The following MSI2 variants were observed in gnomAD, a reference collection of about 807,000 sequenced individuals.
MSI2 encodes the protein musashi RNA binding protein 2, also known as RNA-binding protein Musashi homolog 2.
Under a neutral mutation model 45.6 loss-of-function variants are expected in MSI2, and 17 were observed. The observed-to-expected ratio is 0.37, with a 90% CI of 0.26 to 0.56. The LOEUF (loss-of-function observed/expected upper bound fraction) is 0.56. Ranked by LOEUF, MSI2 falls within the 20% of genes least tolerant of loss-of-function variation. MSI2 has a pLI of 0.77. For missense variants in MSI2, 293 were observed against 444.2 expected (o/e 0.66, Z 3.06); for synonymous variants, 156 against 158.2 (o/e 0.99, Z 0.11).
rs868162018 is a variant in MSI2, at chr17:57,652,084, C to G, written c.728-15C>G. ...GGATTCCTCCATGACTCAGGCTCCT[C>G]TCTCTCCTGACCAGGCTTCCCAGCA... is the stretch of plus-strand genomic sequence containing the variant. On this transcript the variant is annotated splice_polypyrimidine_tract_variant and intron_variant, in intron 10 of 13. Coordinates refer to ENST00000284073, the MANE Select transcript of MSI2 (RefSeq NM_138962.4). The surrounding 1 kb of genome is among the most constrained non-coding windows in gnomAD (Gnocchi z 4.1). 11 of 1,613,816 alleles carry G rather than the reference C, an allele frequency of 6.8e-6. 1 individual carries two copies. In the Middle Eastern group the frequency reaches 1.8e-3, roughly 266 times the overall value.
chr17:57,578,929 G>C (rs2144355553), intron 7 of MSI2, among the ~76,000 whole-genome samples: 1 of 152,244 alleles, frequency 6.6e-6, no homozygotes, highest in Non-Finnish European at 1.5e-5. Context: ...AAAATGGCAT[G>C]GGAGGGAGTG....
At chr17:57,374,030 A>G (rs2083458025) in intron 5 of MSI2, among the ~76,000 whole-genome samples, 1 of 152,168 alleles carries the variant, frequency 6.6e-6, no homozygotes, top group Non-Finnish European at 1.5e-5. Flanking sequence ...TAAACAGATC[A>G]AATGATAAGA....
At chr17:57,364,439 G>A (rs1917040730) in intron 5 of MSI2, among the ~76,000 whole-genome samples, 1 of 152,230 alleles carries the variant, frequency 6.6e-6, no homozygotes. Context: ...GTTAAGTGCA[G>A]AAATTTAATT....
intron 11 of MSI2, among the ~76,000 whole-genome samples, chr17:57,664,521 A>G (rs1319546968): frequency 3.9e-5 from 6 of 152,134 alleles, no homozygotes; most frequent in Non-Finnish European, 8.8e-5. Flanking sequence ...CCCTCTCAAA[A>G]AAGGGGAAAA....
chr17:57,604,714 G>A (rs1906330893), intron 8 of MSI2, among the ~76,000 whole-genome samples: 1 of 152,186 alleles, frequency 6.6e-6, no homozygotes, highest in Admixed American at 6.5e-5. Flanking sequence ...AGGGGATTCT[G>A]GGGAAGGAAG....
chr17:57,562,211 C>T (rs968819061), intron 7 of MSI2, among the ~76,000 whole-genome samples: 21 of 152,316 alleles, frequency 1.4e-4, no homozygotes, highest in South Asian at 2.1e-4. Flanking sequence ...TTCACCCATC[C>T]GCACATCCAG....
chr17:57,353,317 G>C (rs889566806), intron 5 of MSI2, among the ~76,000 whole-genome samples: 1 of 152,174 alleles, frequency 6.6e-6, no homozygotes, highest in African/African-American at 2.4e-5. Context: ...ACTGTGGGTA[G>C]GTGTAAAGCA....
Position 57,256,550 on chromosome 17 carries a change from C to G in MSI2, c.-193C>G, listed in dbSNP as rs1327159954. 1 of 351,154 alleles carries G rather than the reference C, an allele frequency of 2.8e-6. No individual in the cohort carries two copies. The highest frequency in any genetic ancestry group is 2.4e-5 in the African/African-American group (1 of 41,692). The allele number at this position is 351,154 out of a possible 1,614,324, so 21.8% of individuals were successfully genotyped here. ...GCGAGGCAGCGGGGCTGAGCTAAGC[C>G]GAGCCCACGTGTGACGGCTCTCGCC... On this transcript the variant is annotated 5_prime_UTR_variant, in exon 1 of 14. Coordinates refer to ENST00000284073, the MANE Select transcript of MSI2 (RefSeq NM_138962.4).
intron 5 of MSI2, among the ~76,000 whole-genome samples, chr17:57,393,115 T>C (rs1461123683): frequency 6.6e-6 from 1 of 152,212 alleles, no homozygotes; most frequent in African/African-American, 2.4e-5. Flanking sequence ...TATTATGGAC[T>C]TTCATTTGGA....
chr17:57,502,187 G>A (rs774013857), intron 6 of MSI2, among the ~76,000 whole-genome samples: 2 of 152,116 alleles, frequency 1.3e-5, no homozygotes, highest in African/African-American at 2.4e-5. Flanking sequence ...TAAGAATCAC[G>A]TTAACATTTA....
chr17:57,543,920 AATTAC>A (rs1437065159), intron 7 of MSI2, among the ~76,000 whole-genome samples: 6 of 152,350 alleles, frequency 3.9e-5, no homozygotes, highest in Non-Finnish European at 8.8e-5. Context: ...GAAATCATCT[AATTAC>A]ATGTTTTTAT....
intron 5 of MSI2, among the ~76,000 whole-genome samples, chr17:57,312,963 C>T (rs1912523259): frequency 2.0e-5 from 3 of 152,168 alleles, no homozygotes; most frequent in Admixed American, 6.5e-5. Flanking sequence ...TCTCCTGCCT[C>T]AGCCTCCCGA....
intron 11 of MSI2, among the ~76,000 whole-genome samples, chr17:57,665,231 T>C (rs1384540944): frequency 1.3e-5 from 2 of 152,178 alleles, no homozygotes; most frequent in Non-Finnish European, 2.9e-5. Flanking sequence ...CTCCTGTCTC[T>C]CTCGAGGACA....
At chr17:57,527,290 A>T (rs537298503) in intron 6 of MSI2, among the ~76,000 whole-genome samples, 1 of 135,016 alleles carries the variant, frequency 7.4e-6, no homozygotes, top group African/African-American at 2.7e-5. Context: ...CACCCCAGGC[A>T]TTCGAATTCC....
chr17:57,571,204 G>T (rs2087868491), intron 7 of MSI2, among the ~76,000 whole-genome samples: 1 of 152,236 alleles, frequency 6.6e-6, no homozygotes, highest in Admixed American at 6.5e-5. Flanking sequence ...TAGCTCCGAG[G>T]AACCAGAGGC....
chr17:57,405,175 C>T (rs974641616), intron 6 of MSI2, among the ~76,000 whole-genome samples: 16 of 152,202 alleles, frequency 1.1e-4, no homozygotes, highest in South Asian at 6.2e-4. Context: ...TTGCTGGCCT[C>T]GGCTTCTCTT....
intron 5 of MSI2, among the ~76,000 whole-genome samples, chr17:57,291,538 C>T (rs1054238505): frequency 1.3e-5 from 2 of 152,042 alleles, no homozygotes; most frequent in African/African-American, 4.8e-5. Flanking sequence ...GAAAGAAGAC[C>T]CAAGAAAATT....
At chr17:57,296,910 T>C (rs1911006722) in intron 5 of MSI2, among the ~76,000 whole-genome samples, 1 of 152,242 alleles carries the variant, frequency 6.6e-6, no homozygotes, top group African/African-American at 2.4e-5. Flanking sequence ...AGTCTCACTC[T>C]GTCGCCCAGG....
intron 6 of MSI2, among the ~76,000 whole-genome samples, chr17:57,465,639 G>A (rs922017194): frequency 2.6e-5 from 4 of 152,144 alleles, no homozygotes; most frequent in Non-Finnish European, 4.4e-5. Context: ...AAGCCCATGG[G>A]AGGGTGGGTG....
Sources: allele counts gnomAD v4.1 joint callset (sites outside exome capture counted in the v4.1 genomes callset), GRCh38; gene constraint gnomAD v4.1.1; non-coding constraint Gnocchi (gnomAD v3.1); transcripts MANE v1.5; gene names NCBI Gene and HGNC (gene_info 2026-07-23, HGNC 2026-07-21).